Variants in KCNMA1 observed in about 807,000 individuals in gnomAD.
KCNMA1 encodes Calcium-activated potassium channel subunit alpha-1.
A neutral mutation model predicts 140.0 loss-of-function variants in KCNMA1; 29 were observed. That is an observed-to-expected ratio of 0.21 (90% CI 0.15 to 0.28). The LOEUF (loss-of-function observed/expected upper bound fraction) is 0.28, where lower values mean the gene tolerates loss of function less well. KCNMA1 is among the 10% of genes least tolerant of loss of function. The pLI is 1.00. For synonymous variants in KCNMA1, 612 were observed against 611.9 expected, an observed-to-expected ratio of 1.00 and a Z score of 0.00; for missense variants, 880 against 1,602.2, an observed-to-expected ratio of 0.55 and a Z score of 7.70.
chr10:76,933,897 C>A (rs1430372736), intron 23 of KCNMA1, among the ~76,000 whole-genome samples: 1 of 152,182 alleles, frequency 6.6e-6, no homozygotes, highest in African/African-American at 2.4e-5. Context: ...GAACTAAAGT[C>A]ATTTATAAAT....
At chr10:76,895,471 A>G (rs2042076907) in intron 25 of KCNMA1, among the ~76,000 whole-genome samples, 1 of 152,218 alleles carries the variant, frequency 6.6e-6, no homozygotes, top group African/African-American at 2.4e-5. Context: ...ATATGTCCAT[A>G]TGAAAACGTG....
chr10:77,300,779 C>T (rs577612289), intron 2 of KCNMA1, among the ~76,000 whole-genome samples: 11 of 152,294 alleles, frequency 7.2e-5, no homozygotes, highest in Middle Eastern at 3.4e-3. Flanking sequence ...GCCTACCAAG[C>T]CACCATCTCC....
downstream of KCNMA1, chr10:76,883,954 A>G (rs1036414693): frequency 1.0e-6 from 1 of 961,196 alleles, no homozygotes; most frequent in Non-Finnish European, 1.2e-6. Flanking sequence ...CATCAAATTT[A>G]TCATTAGTCA....
chr10:77,572,280 C>T (rs1339405031), intron 1 of KCNMA1, among the ~76,000 whole-genome samples: 1 of 151,566 alleles, frequency 6.6e-6, no homozygotes, highest in Admixed American at 6.6e-5. Context: ...GAAACCAGAC[C>T]ACACACAACA....
At chr10:77,012,924 T>C (rs866302859) in intron 17 of KCNMA1, among the ~76,000 whole-genome samples, 1 of 152,140 alleles carries the variant, frequency 6.6e-6, no homozygotes, top group African/African-American at 2.4e-5. Flanking sequence ...GAAATCACAG[T>C]GCCTAGAACA....
At chr10:77,287,374 C>T (rs1433630516) in intron 2 of KCNMA1, among the ~76,000 whole-genome samples, 1 of 152,210 alleles carries the variant, frequency 6.6e-6, no homozygotes, top group Non-Finnish European at 1.5e-5. Flanking sequence ...AGACTATCTA[C>T]CTACACAAAG....
At chr10:77,496,661 C>G (rs903153523) in intron 1 of KCNMA1, among the ~76,000 whole-genome samples, 4 of 149,574 alleles carry the variant, frequency 2.7e-5, no homozygotes, top group Non-Finnish European at 5.9e-5. Flanking sequence ...CAGTGGGCCC[C>G]CAAAGCTATA....
At chr10:77,025,277 TATATAC>T in intron 16 of KCNMA1, among the ~76,000 whole-genome samples, 2 of 130,646 alleles carry the variant, frequency 1.5e-5, no homozygotes, top group East Asian at 2.2e-4. Context: ...TATATATATA[TATATAC>T]ACACACACAT....
intron 8 of KCNMA1, among the ~76,000 whole-genome samples, chr10:77,109,529 C>T (rs190664984): frequency 6.9e-4 from 105 of 152,258 alleles, no homozygotes; most frequent in African/African-American, 2.4e-3. Flanking sequence ...TAAAGAGCTG[C>T]GTAGACTTTT....
intron 14 of KCNMA1, among the ~76,000 whole-genome samples, chr10:77,051,655 A>G (rs554065814): frequency 3.0e-4 from 46 of 152,276 alleles, no homozygotes; most frequent in Non-Finnish European, 5.7e-4. Flanking sequence ...TGAGGAGGAA[A>G]CCATGATCCT....
At chr10:77,568,575 G>A (rs2154560385) in intron 1 of KCNMA1, among the ~76,000 whole-genome samples, 1 of 151,460 alleles carries the variant, frequency 6.6e-6, no homozygotes, top group South Asian at 2.1e-4. Context: ...GGTACTGATG[G>A]GACGTATCTC....
At chr10:77,204,777 G>A (rs982252468) in intron 3 of KCNMA1, among the ~76,000 whole-genome samples, 11 of 152,242 alleles carry the variant, frequency 7.2e-5, no homozygotes, top group South Asian at 6.2e-4. Context: ...ATTAAGAAAT[G>A]TTAAGCTTTC....
chr10:77,502,499 T>C (rs1333649335), intron 1 of KCNMA1, among the ~76,000 whole-genome samples: 1 of 152,176 alleles, frequency 6.6e-6, no homozygotes, highest in East Asian at 1.9e-4. Flanking sequence ...CCCTTTTCCA[T>C]CCTGGATACT....
chr10:77,226,522 C>T (rs1483003932), intron 3 of KCNMA1, among the ~76,000 whole-genome samples: 2 of 151,888 alleles, frequency 1.3e-5, no homozygotes, highest in Admixed American at 6.6e-5. Flanking sequence ...CGAGAAGGCC[C>T]CCTGCAGCCA....
At chr10:77,399,267 C>T (rs1210524615) in intron 2 of KCNMA1, among the ~76,000 whole-genome samples, 2 of 152,100 alleles carry the variant, frequency 1.3e-5, no homozygotes, top group East Asian at 3.8e-4. Context: ...CTCAATGACA[C>T]CCAAACAGTT....
chr10:77,550,992 G>A (rs1315439608), intron 1 of KCNMA1, among the ~76,000 whole-genome samples: 3 of 152,096 alleles, frequency 2.0e-5, no homozygotes, highest in Non-Finnish European at 4.4e-5. Flanking sequence ...TGGGAAGAAC[G>A]CTATTCCTAT....
intron 1 of KCNMA1, among the ~76,000 whole-genome samples, chr10:77,598,162 G>C (rs927916965): frequency 4.6e-5 from 7 of 152,030 alleles, no homozygotes; most frequent in African/African-American, 1.7e-4. Flanking sequence ...GTAGAGACAG[G>C]GTTTCACCAT....
At chr10:77,241,879 T>C (rs566842123) in intron 3 of KCNMA1, among the ~76,000 whole-genome samples, 1 of 152,264 alleles carries the variant, frequency 6.6e-6, no homozygotes, top group East Asian at 1.9e-4. Context: ...CTTATACCAA[T>C]GCAGCCGCAA....
At chr10:77,173,978 C>T (rs2098730955) in intron 5 of KCNMA1, among the ~76,000 whole-genome samples, 1 of 152,180 alleles carries the variant, frequency 6.6e-6, no homozygotes, top group African/African-American at 2.4e-5. Flanking sequence ...AACTGCCCAT[C>T]TGAGCATGAT....
Sources: allele counts gnomAD v4.1 joint callset (sites outside exome capture counted in the v4.1 genomes callset), GRCh38; gene constraint gnomAD v4.1.1; transcripts MANE v1.5; gene names NCBI Gene and HGNC (gene_info 2026-07-23, HGNC 2026-07-21).